The following KIF26B variants were observed in gnomAD, a reference collection of about 807,000 sequenced individuals.
KIF26B encodes the protein kinesin family member 26B.
Under a neutral mutation model 151.2 loss-of-function variants are expected in KIF26B, and 63 were observed. The ratio of observed to expected loss-of-function variants is 0.42; its 90% CI spans 0.34 to 0.51. The LOEUF (loss-of-function observed/expected upper bound fraction) is 0.51. Among genes scored for constraint, KIF26B ranks in the 20% least tolerant of loss-of-function variants. The pLI is 0.07. For synonymous variants in KIF26B, 1,357 were observed against 1,262.1 expected (o/e 1.08, Z -1.59); for missense variants, 2,813 against 2,913.6 (o/e 0.97, Z 0.79).
intron 5 of KIF26B, among the ~76,000 whole-genome samples, chr1:245,588,962 G>A (rs2043257243): frequency 1.3e-5 from 2 of 152,180 alleles, no homozygotes; most frequent in Non-Finnish European, 2.9e-5. Context: ...AGGGATAGTG[G>A]CATAATTTCT....
In KIF26B at chr1:245,218,392, G is replaced by C. The variant is rs1335569321; in HGVS notation, c.465+61709G>C. ...GGAGGGCTCAGGTGAAAAGCAGAAG[G>C]GAACTCTATGGCTGTCTTTCTTCTC... On this transcript the variant is annotated intron_variant, in intron 2 of 14. Coordinates refer to ENST00000407071, the MANE Select transcript of KIF26B (RefSeq NM_018012.4). The surrounding 1 kb of genome is among the most constrained non-coding windows in gnomAD (Gnocchi z 4.1). Among the ~76,000 whole-genome samples, 1 of 152,160 alleles carries C rather than the reference G, an allele frequency of 6.6e-6. No individual in the cohort carries two copies. Among genetic ancestry groups the C allele is most frequent in the Non-Finnish European group, 1.5e-5 (1 of 68,022 alleles).
chr1:245,346,855 A>G (rs533048120), intron 2 of KIF26B, among the ~76,000 whole-genome samples: 3 of 152,162 alleles, frequency 2.0e-5, no homozygotes, highest in Non-Finnish European at 2.9e-5. Flanking sequence ...AAATCCATCC[A>G]TCCTATCATC....
intron 4 of KIF26B, among the ~76,000 whole-genome samples, chr1:245,479,034 G>C (rs1423836244): frequency 6.6e-6 from 1 of 151,810 alleles, no homozygotes. Context: ...CAGGAGCGCA[G>C]CTGAATGCAC....
Position 245,687,815 on chromosome 1 carries a change from G to A in KIF26B, c.4832G>A (p.Arg1611Gln), listed in dbSNP as rs201603113. Reference sequence around the variant, plus strand: ...AAGTCCAGCCTGGACCAGAAGAACCGGGCCAGCCCTCAGCACAGTGCCAGC... The same window carrying A: ...AAGTCCAGCCTGGACCAGAAGAACCAGGCCAGCCCTCAGCACAGTGCCAGC... ...VRKSSLDQKN[R>Q]ASPQHSASGS... is the part of the protein sequence containing the mutation. Residue 1611 changes from arginine (R) to glutamine (Q), a missense_variant, in exon 12 of 15, where the codon CGG (arginine) becomes CAG (glutamine). Transcript: ENST00000407071. This position sits in a 1 kb window ranked among gnomAD's most constrained non-coding sequence, Gnocchi z 4.9. The A allele has an allele frequency of 1.9e-6, 3 of 1,595,678 alleles. No individual in the cohort carries two copies. The highest frequency in any genetic ancestry group is 2.6e-6 in the Non-Finnish European group (3 of 1,171,922).
chr1:245,390,805 G>T (rs1572038200), intron 3 of KIF26B, among the ~76,000 whole-genome samples: 3 of 150,196 alleles, frequency 2.0e-5, no homozygotes, highest in Admixed American at 6.6e-5. Flanking sequence ...TAAAATTTTG[G>T]CCTAGCATGA....
At chr1:245,464,661 T>C (rs1030846322) in intron 4 of KIF26B, among the ~76,000 whole-genome samples, 3 of 149,052 alleles carry the variant, frequency 2.0e-5, no homozygotes, top group Non-Finnish European at 3.0e-5. Flanking sequence ...TGTGCGTGTG[T>C]GTGTGTGGGT....
At chr1:245,310,322 G>C (rs1337075378) in intron 2 of KIF26B, among the ~76,000 whole-genome samples, 1 of 151,998 alleles carries the variant, frequency 6.6e-6, no homozygotes, top group East Asian at 1.9e-4. Flanking sequence ...GGGTTCATAG[G>C]CTTTCTAACT....
intron 2 of KIF26B, among the ~76,000 whole-genome samples, chr1:245,158,621 C>T (rs928167934): frequency 6.6e-6 from 1 of 152,206 alleles, no homozygotes; most frequent in Non-Finnish European, 1.5e-5. Context: ...GGGGCAGTCA[C>T]AGGGGATCAC....
intron 4 of KIF26B, among the ~76,000 whole-genome samples, chr1:245,490,980 C>T (rs71636556): frequency 0.033 from 5,033 of 152,180 alleles, 131 homozygotes; most frequent in Non-Finnish European, 0.05. Context: ...GTAATAGTAG[C>T]GAATAAGTCA....
intron 2 of KIF26B, among the ~76,000 whole-genome samples, chr1:245,276,411 A>T (rs994038591): frequency 6.6e-5 from 10 of 152,178 alleles, no homozygotes; most frequent in African/African-American, 2.4e-4. Context: ...AGAAGTAAGG[A>T]GTTAGGGGTT....
chr1:245,541,771 C>G (rs879878747), intron 5 of KIF26B, among the ~76,000 whole-genome samples: 1 of 151,594 alleles, frequency 6.6e-6, no homozygotes, highest in African/African-American at 2.4e-5. Flanking sequence ...GCTAGTCTTG[C>G]TGAAGCTCCG....
intron 5 of KIF26B, among the ~76,000 whole-genome samples, chr1:245,566,954 TA>T (rs11325115): frequency 0.94 from 143,716 of 152,114 alleles, 67,968 homozygotes; most frequent in East Asian, 1. Context: ...CATGAATAAA[TA>T]AAAAAATAAA....
rs1196790622 is a variant in KIF26B, at chr1:245,602,684, C to A, written c.1458C>A (p.Pro486=). 1.2e-6 allele frequency: 2 copies of A among 1,614,016 alleles called. No individual in the cohort carries two copies. The highest frequency in any genetic ancestry group is 1.7e-6 in the Non-Finnish European group (2 of 1,179,880). ...AGAAGCAGATCACCTTGTACGATCC[C>A]CTGACTTGTGGAGGTCAAAATGCCT... ...PRKKQITLYD[P]LTCGGQNAFQ... The change falls in exon 6 of 15, where the codon CCC becomes CCA. Residue 486 remains proline, a synonymous_variant. Coordinates refer to ENST00000407071, the MANE Select transcript of KIF26B (RefSeq NM_018012.4). The surrounding 1 kb of genome is among the most constrained non-coding windows in gnomAD (Gnocchi z 4.5).
At chr1:245,583,449 GC>G (rs2043196283) in intron 5 of KIF26B, among the ~76,000 whole-genome samples, 1 of 152,192 alleles carries the variant, frequency 6.6e-6, no homozygotes, top group African/African-American at 2.4e-5. Flanking sequence ...TGCATGAGCT[GC>G]CTGCCACCAT....
rs566167883 is a variant in KIF26B, at chr1:245,512,286, G to A, written c.1167-28481G>A. Among the ~76,000 whole-genome samples the A allele has an allele frequency of 3.9e-5, 6 of 152,240 alleles. No homozygotes were observed. The highest frequency in any genetic ancestry group is 1.9e-4 in the East Asian group (1 of 5,174). On this transcript the variant is annotated intron_variant, in intron 4 of 14. Transcript: ENST00000407071. This position sits in a 1 kb window ranked among gnomAD's most constrained non-coding sequence, Gnocchi z 4.3. ...TCCCTCCCACCTGTCCACCCTGCCT[G>A]TTTCCCAGCCCCCATCCTTCTCTCT...
intron 2 of KIF26B, among the ~76,000 whole-genome samples, chr1:245,285,998 T>TAA (rs34582895): frequency 1.9e-3 from 206 of 110,712 alleles, no homozygotes; most frequent in South Asian, 4.2e-3. Flanking sequence ...ACCCTCTCTC[T>TAA]AAAAAAAAAA....
chr1:245,377,613 AATAG>A (rs1369817076), intron 3 of KIF26B, among the ~76,000 whole-genome samples: 3 of 152,248 alleles, frequency 2.0e-5, no homozygotes, highest in South Asian at 2.1e-4. Context: ...TCACATTCTA[AATAG>A]ATAGACAGAC....
intron 4 of KIF26B, among the ~76,000 whole-genome samples, chr1:245,532,623 A>G (rs1661399538): frequency 1.3e-5 from 2 of 152,194 alleles, no homozygotes; most frequent in African/African-American, 4.8e-5. Flanking sequence ...AAATGATAAC[A>G]GTGCCTGGCT....
At chr1:245,570,344 C>T (rs984605696) in intron 5 of KIF26B, among the ~76,000 whole-genome samples, 1 of 152,176 alleles carries the variant, frequency 6.6e-6, no homozygotes, top group African/African-American at 2.4e-5. Context: ...TTCTTCTGCA[C>T]ATCCCACATT....
Sources: gnomAD v4.1 joint callset for allele counts (sites outside exome capture counted in the v4.1 genomes callset) on GRCh38, gnomAD v4.1.1 for gene constraint, Gnocchi (gnomAD v3.1) non-coding constraint, MANE v1.5 for transcripts, NCBI Gene and HGNC (gene_info 2026-07-23, HGNC 2026-07-21) for gene names.